Variants in PCDH15 observed in about 807,000 individuals in gnomAD.
The protein encoded by PCDH15 is protocadherin related 15, also known as protocadherin-15.
A neutral mutation model predicts 178.5 loss-of-function variants in PCDH15; 129 were observed. The observed-to-expected ratio is 0.72, with a 90% CI of 0.63 to 0.84. The LOEUF (loss-of-function observed/expected upper bound fraction) is 0.84, where lower values mean the gene tolerates loss of function less well. PCDH15 is among the 40% of genes least tolerant of loss of function. The pLI, the probability that PCDH15 is intolerant of heterozygous loss-of-function variation, is 0.00. For missense variants in PCDH15, 2,230 were observed against 2,099.9 expected (o/e 1.06, Z -1.21); for synonymous variants, 800 against 732.0 (o/e 1.09, Z -1.50).
intron 2 of PCDH15, among the ~76,000 whole-genome samples, chr10:54,539,446 A>G (rs1437350001): frequency 8.5e-5 from 13 of 152,214 alleles, no homozygotes. Flanking sequence ...CTAACTATAT[A>G]CATATGCAAT....
intron 3 of PCDH15, among the ~76,000 whole-genome samples, chr10:54,411,619 T>C (rs752901268): frequency 1.8e-4 from 28 of 152,176 alleles, no homozygotes; most frequent in African/African-American, 6.0e-4. Context: ...GACTAGAAAA[T>C]AGTAAACACG....
chr10:54,306,647 G>T (rs547350467), intron 8 of PCDH15, among the ~76,000 whole-genome samples: 23 of 151,884 alleles, frequency 1.5e-4, no homozygotes, highest in African/African-American at 5.3e-4. Flanking sequence ...AGATATATTT[G>T]ACAGATATCT....
At chr10:53,996,924 G>A (rs1032150580) in intron 20 of PCDH15, among the ~76,000 whole-genome samples, 7 of 151,966 alleles carry the variant, frequency 4.6e-5, no homozygotes, top group African/African-American at 1.7e-4. Flanking sequence ...CATATTCTTT[G>A]ATATTTGCTT....
intron 3 of PCDH15, among the ~76,000 whole-genome samples, chr10:54,422,336 T>C (rs915091369): frequency 9.2e-5 from 14 of 152,170 alleles, no homozygotes; most frequent in African/African-American, 3.1e-4. Context: ...AATTATAGCC[T>C]ACCCTATTTT....
intron 1 of PCDH15, among the ~76,000 whole-genome samples, chr10:54,688,615 G>A (rs1031882597): frequency 6.6e-6 from 1 of 152,004 alleles, no homozygotes; most frequent in South Asian, 2.1e-4. Context: ...GCTTACATAG[G>A]TTTTCTCCTT....
intron 15 of PCDH15, among the ~76,000 whole-genome samples, chr10:54,098,854 GA>G (rs1212844245): frequency 2.0e-5 from 3 of 151,922 alleles, no homozygotes; most frequent in Non-Finnish European, 2.9e-5. Context: ...AAACCAAATA[GA>G]AAAAAATCAG....
At chr10:54,090,636 C>G (rs1451247324) in intron 15 of PCDH15, among the ~76,000 whole-genome samples, 1 of 97,908 alleles carries the variant, frequency 1.0e-5, no homozygotes, top group Non-Finnish European at 2.0e-5. Flanking sequence ...AGAGCAAGAT[C>G]TTGTCTCAAA....
At chr10:54,103,195 T>C (rs11004066) in intron 15 of PCDH15, among the ~76,000 whole-genome samples, 1,704 of 152,302 alleles carry the variant, frequency 0.011, 70 homozygotes, top group East Asian at 0.088. Context: ...CTTTTGTCCA[T>C]TCTACATAGA....
chr10:54,442,889 A>T lies in PCDH15; in HGVS notation c.158-63947T>A, dbSNP rs1274526043. On this transcript the variant is annotated intron_variant, in intron 3 of 37. Coordinates refer to ENST00000644397, the MANE Select transcript of PCDH15 (RefSeq NM_001384140.1). ...ATTGTATCTAAATTAATCAAGTTGT[A>T]TCCTGTAACAGGTTTCCTGTTATCC... Among the ~76,000 whole-genome samples, 3 of 151,556 alleles carry T rather than the reference A, an allele frequency of 2.0e-5. No individual in the cohort carries two copies. In the Admixed American group the frequency reaches 2.0e-4, roughly 10 times the overall value.
intron 1 of PCDH15, among the ~76,000 whole-genome samples, chr10:54,716,629 G>A: frequency 6.6e-6 from 1 of 152,030 alleles, no homozygotes; most frequent in East Asian, 1.9e-4. Flanking sequence ...AGACTTTGCT[G>A]AAGTTGCTTA....
intron 3 of PCDH15, among the ~76,000 whole-genome samples, chr10:54,484,568 G>T (rs2078962148): frequency 6.6e-6 from 1 of 151,822 alleles, no homozygotes; most frequent in African/African-American, 2.4e-5. Flanking sequence ...TAGAGCATAG[G>T]AGTGAATAGT....
intron 15 of PCDH15, among the ~76,000 whole-genome samples, chr10:54,117,245 A>T (rs1405357237): frequency 6.6e-6 from 1 of 150,764 alleles, no homozygotes; most frequent in African/African-American, 2.4e-5. Context: ...TGGCTGCTAC[A>T]AGAGGGCAGG....
intron 2 of PCDH15, among the ~76,000 whole-genome samples, chr10:55,533,225 A>G (rs1202438352): frequency 6.6e-6 from 1 of 152,080 alleles, no homozygotes; most frequent in Non-Finnish European, 1.5e-5. Flanking sequence ...ATTCCTGCCC[A>G]GAGCAATCAC....
chr10:55,495,284 AC>A lies in PCDH15; in HGVS notation c.-156+132340del, dbSNP rs534444490. Among the ~76,000 whole-genome samples, 25 of 151,916 alleles carry A rather than the reference AC, an allele frequency of 1.6e-4. No individual in the cohort carries two copies. The South Asian group carries it at 4.4e-3, about 26-fold the overall frequency. On this transcript the variant is annotated intron_variant, in intron 2 of 5. Transcript: ENST00000613346. The stretch of plus-strand genomic sequence containing the variant: ...AAACTCTATTTCATGAAAATTAAAA[AC>A]CCTTATGCTACAAATATTAACATTA...
chr10:53,823,926 G>A, intron 32 of PCDH15: 1 of 377,886 alleles, frequency 2.6e-6, no homozygotes, highest in Non-Finnish European at 5.4e-6. Context: ...AATCACAATT[G>A]AGAAATTGAA....
At chr10:54,409,063 C>T (rs1186028776) in intron 3 of PCDH15, among the ~76,000 whole-genome samples, 2 of 152,158 alleles carry the variant, frequency 1.3e-5, no homozygotes, top group African/African-American at 4.8e-5. Flanking sequence ...CTCATGAGCT[C>T]TGATGGTTTT....
intron 26 of PCDH15, among the ~76,000 whole-genome samples, chr10:53,871,498 A>T (rs996742865): frequency 5.3e-5 from 8 of 151,814 alleles, no homozygotes; most frequent in African/African-American, 1.9e-4. Flanking sequence ...ACAAAAATAT[A>T]AATATGACCA....
chr10:55,065,668 T>G (rs1341698585), intron 2 of PCDH15, among the ~76,000 whole-genome samples: 1 of 152,068 alleles, frequency 6.6e-6, no homozygotes, highest in Non-Finnish European at 1.5e-5. Context: ...TCAAAATTAT[T>G]TGTGAAATAA....
rs148708633 is a variant in PCDH15, at chr10:54,317,904, T to C, written c.706-463A>G. 5.9e-5 allele frequency among the ~76,000 whole-genome samples: 9 copies of C among 152,306 alleles called. No individual in the cohort carries two copies. The East Asian group carries it at 1.5e-3, about 26-fold the overall frequency. On this transcript the variant is annotated intron_variant, in intron 7 of 37. Coordinates refer to ENST00000644397, the MANE Select transcript of PCDH15 (RefSeq NM_001384140.1). The stretch of plus-strand genomic sequence containing the variant: ...AGTCAGGATGTAAACTGAGATCCAA[T>C]TGTCTTCAAAGCAACTTTCTTGAAA...
Sources: allele counts gnomAD v4.1 joint callset (sites outside exome capture counted in the v4.1 genomes callset), GRCh38; gene constraint gnomAD v4.1.1; transcripts MANE v1.5; gene names NCBI Gene and HGNC (gene_info 2026-07-23, HGNC 2026-07-21).